The following SPATA31H1 variants were observed in gnomAD, a reference collection of about 807,000 sequenced individuals.
SPATA31H1 encodes the protein SPATA31 subfamily H member 1, also known as spermatogenesis-associated protein 31H1.
chr2:27,545,604 C>T, the SPATA31H1 span, among the ~76,000 whole-genome samples: 1 of 142,438 alleles, frequency 7.0e-6, no homozygotes, highest in South Asian at 2.2e-4. Context: ...GAGACGGAGT[C>T]TTGCTCTGTC....
chr2:27,556,271 G>C, the SPATA31H1 span, among the ~76,000 whole-genome samples: 1 of 144,062 alleles, frequency 6.9e-6, no homozygotes, highest in African/African-American at 2.6e-5. Context: ...GGCTTTCTCA[G>C]TTTTGGAAAG....
the SPATA31H1 span, chr2:27,568,195 G>A: frequency 7.5e-6 from 3 of 398,946 alleles, no homozygotes; most frequent in Non-Finnish European, 1.3e-5. Flanking sequence ...CCAACACCAC[G>A]ATATCAAGTC....
chr2:27,544,337 T>A, the SPATA31H1 span, among the ~76,000 whole-genome samples: 1 of 151,806 alleles, frequency 6.6e-6, no homozygotes, highest in African/African-American at 2.4e-5. Context: ...CCTGAATAGT[T>A]CCCTCATGTT....
chr2:27,573,973 C>T, the SPATA31H1 span: 1 of 398,492 alleles, frequency 2.5e-6, no homozygotes, highest in African/African-American at 2.1e-5. Flanking sequence ...GTCAAATCTT[C>T]TAAGTTGAAC....
the SPATA31H1 span, chr2:27,578,374 TAA>T: frequency 6.2e-7 from 1 of 1,614,140 alleles, no homozygotes; most frequent in Non-Finnish European, 8.5e-7. Context: ...CTTCAAATCG[TAA>T]AATCTGAGGA....
At chr2:27,553,510 T>G in the SPATA31H1 span, among the ~76,000 whole-genome samples, 1 of 152,132 alleles carries the variant, frequency 6.6e-6, no homozygotes, top group East Asian at 1.9e-4. Context: ...AGGGATAGGC[T>G]GAAAACTTTT....
At chr2:27,567,741 G>A in the SPATA31H1 span, 1 of 398,962 alleles carries the variant, frequency 2.5e-6, no homozygotes. Flanking sequence ...GAGGGTCATA[G>A]GTTTTCCAGA....
At chr2:27,551,834 T>TG in the SPATA31H1 span, among the ~76,000 whole-genome samples, 2 of 151,922 alleles carry the variant, frequency 1.3e-5, no homozygotes, top group East Asian at 3.8e-4. Context: ...TAGCTTTTTT[T>TG]TTTGTTGTTG....
At chr2:27,543,917 G>T in the SPATA31H1 span, among the ~76,000 whole-genome samples, 1 of 151,748 alleles carries the variant, frequency 6.6e-6, no homozygotes. Context: ...TAAAATTTTC[G>T]CAGATCTAGA....
the SPATA31H1 span, among the ~76,000 whole-genome samples, chr2:27,546,475 A>C: frequency 7.9e-5 from 12 of 152,024 alleles, no homozygotes; most frequent in African/African-American, 2.9e-4. Flanking sequence ...ACTCACCTTG[A>C]ACACAAAATG....
chr2:27,537,768 C>A, the SPATA31H1 span, among the ~76,000 whole-genome samples: 3 of 152,278 alleles, frequency 2.0e-5, no homozygotes, highest in Admixed American at 6.5e-5. Flanking sequence ...TATCGCCATT[C>A]TCTAGGAGCT....
the SPATA31H1 span, chr2:27,574,992 A>T: frequency 2.5e-6 from 1 of 398,570 alleles, no homozygotes. Context: ...GACTGTAGGT[A>T]CAAAGGTACA....
the SPATA31H1 span, chr2:27,574,407 A>G: frequency 7.5e-6 from 3 of 398,428 alleles, no homozygotes; most frequent in Admixed American, 1.3e-4. Context: ...GACCCTGGGG[A>G]GGAAGTTTCC....
chr2:27,574,481 G>C, the SPATA31H1 span: 2 of 398,462 alleles, frequency 5.0e-6, no homozygotes, highest in East Asian at 7.1e-5. Context: ...CTTCTGATCT[G>C]ATCATGGGTA....
chr2:27,572,808 A>C, the SPATA31H1 span: 2 of 397,132 alleles, frequency 5.0e-6, no homozygotes, highest in Admixed American at 4.4e-5. Context: ...ATCTCAACTG[A>C]CTCTAGGGCC....
chr2:27,577,413 G>A, the SPATA31H1 span: 17 of 1,614,050 alleles, frequency 1.1e-5, no homozygotes, highest in East Asian at 8.9e-5. This position sits in a 1 kb window ranked among gnomAD's most constrained non-coding sequence, Gnocchi z 4.5. Flanking sequence ...GGGGTTGACC[G>A]CTGAGGCAAG....
the SPATA31H1 span, chr2:27,579,733 G>GTGATTCCCAGACAAGGATTTC: frequency 1.1e-5 from 17 of 1,614,214 alleles, no homozygotes; most frequent in Admixed American, 1.7e-5. Context: ...GACTCACAGA[G>GTGATTCCCAGACAAGGATTTC]TGATTCCCAG....
At chr2:27,577,232 CTTAGGA>C in the SPATA31H1 span, 19 of 1,613,834 alleles carry the variant, frequency 1.2e-5, no homozygotes, top group Middle Eastern at 3.3e-4. This position sits in a 1 kb window ranked among gnomAD's most constrained non-coding sequence, Gnocchi z 4.5. Flanking sequence ...GCTCAAAATT[CTTAGGA>C]TTAACTCCAG....
chr2:27,571,657 T>C, the SPATA31H1 span: 8 of 398,378 alleles, frequency 2.0e-5, no homozygotes, highest in African/African-American at 1.4e-4. Context: ...AGGCCTCAGC[T>C]ACAAAGTGTG....
Sources: allele counts gnomAD v4.1 joint callset (sites outside exome capture counted in the v4.1 genomes callset), GRCh38; gene constraint gnomAD v4.1.1; non-coding constraint Gnocchi (gnomAD v3.1); transcripts MANE v1.5; gene names NCBI Gene and HGNC (gene_info 2026-07-23, HGNC 2026-07-21).